Variants in GRIN3A observed in about 807,000 individuals in gnomAD.
GRIN3A encodes the protein glutamate receptor ionotropic, NMDA 3A.
A neutral mutation model predicts 92.4 loss-of-function variants in GRIN3A; 47 were observed. That is an observed-to-expected ratio of 0.51 (90% CI 0.40 to 0.65). The LOEUF (loss-of-function observed/expected upper bound fraction) is 0.65, where lower values mean the gene tolerates loss of function less well. Among genes scored for constraint, GRIN3A ranks in the 30% least tolerant of loss-of-function variants. The pLI is 0.00. For missense variants in GRIN3A, 1,324 were observed against 1,393.1 expected (o/e 0.95, Z 0.79); for synonymous variants, 527 against 540.6 (o/e 0.97, Z 0.35).
intron 3 of GRIN3A, among the ~76,000 whole-genome samples, chr9:101,642,087 C>G (rs1012745384): frequency 1.3e-5 from 2 of 152,046 alleles, no homozygotes; most frequent in Non-Finnish European, 2.9e-5. Flanking sequence ...TACTATAAAG[C>G]TATAGTAATC....
chr9:101,726,586 C>A (rs1355717830), intron 1 of GRIN3A, among the ~76,000 whole-genome samples: 2 of 151,982 alleles, frequency 1.3e-5, no homozygotes, highest in Non-Finnish European at 2.9e-5. Context: ...TCCAATAGAA[C>A]TTCCTATGGA....
chr9:101,731,086 A>G (rs1830134353), intron 1 of GRIN3A, among the ~76,000 whole-genome samples: 1 of 152,166 alleles, frequency 6.6e-6, no homozygotes, highest in Admixed American at 6.5e-5. Context: ...TCCGTTAAAA[A>G]ATGATTCAAT....
intron 5 of GRIN3A, among the ~76,000 whole-genome samples, chr9:101,622,559 G>T (rs566168115): frequency 1.1e-3 from 163 of 152,276 alleles, no homozygotes; most frequent in Admixed American, 2.4e-3. Context: ...AAAATTTGCT[G>T]CCAGTGGAGA....
intron 1 of GRIN3A, among the ~76,000 whole-genome samples, chr9:101,718,853 T>C (rs1033928829): frequency 1.2e-4 from 19 of 152,176 alleles, no homozygotes; most frequent in Non-Finnish European, 8.8e-5. Context: ...TTAGTTTTTA[T>C]TGTGTATTTA....
Position 101,670,654 on chromosome 9 carries a change from C to T in GRIN3A, c.1758G>A (p.Lys586=). The T allele has an allele frequency of 2.5e-6, 4 of 1,613,938 alleles. No homozygotes were observed. The highest frequency in any genetic ancestry group is 3.4e-6 in the Non-Finnish European group (4 of 1,179,848). The change falls in exon 3 of 9, where the codon AAG becomes AAA. Residue 586 remains lysine, a synonymous_variant. Transcript: ENST00000361820. ...CYGYCIDLLE[K]IAEDMNFDFD... ...AGTCAAAGTTCATGTCTTCTGCTAT[C>T]TTTTCCAGCAGATCAATGCAATATC...
intron 6 of GRIN3A, among the ~76,000 whole-genome samples, chr9:101,597,036 G>A (rs1828144431): frequency 6.6e-6 from 1 of 152,186 alleles, no homozygotes; most frequent in South Asian, 2.1e-4. Flanking sequence ...TGACCTCTCT[G>A]TGCCTTTCAC....
rs905634986 is a variant in GRIN3A at position 101,656,154 on chromosome 9, A to C, written c.2352+13906T>G. ...ACAAGGGTAAAAGGCTTGCAAAAGGAATTTTTTCTGAAATTCTTTAGAGGA... is the reference window on the plus strand; with the variant it reads ...ACAAGGGTAAAAGGCTTGCAAAAGGCATTTTTTCTGAAATTCTTTAGAGGA... On this transcript the variant is annotated intron_variant, in intron 3 of 8. Transcript: ENST00000361820. Among the ~76,000 whole-genome samples, 3 of 152,012 alleles carry C rather than the reference A, an allele frequency of 2.0e-5. No homozygotes were observed. In the East Asian group the frequency reaches 5.8e-4, roughly 29 times the overall value.
chr9:101,710,160 T>C (rs186863388), intron 1 of GRIN3A, among the ~76,000 whole-genome samples: 169 of 152,244 alleles, frequency 1.1e-3, no homozygotes, highest in African/African-American at 3.8e-3. Flanking sequence ...GAGGTAATTA[T>C]AGGTAAATGA....
At chr9:101,707,189 G>A (rs1829824299) in intron 1 of GRIN3A, among the ~76,000 whole-genome samples, 1 of 152,200 alleles carries the variant, frequency 6.6e-6, no homozygotes, top group Non-Finnish European at 1.5e-5. Context: ...ATGGAGTGTA[G>A]CAGTATGCAC....
rs1454796112 is a variant in GRIN3A at position 101,628,460 on chromosome 9, C to T, written c.2353-59G>A. On this transcript the variant is annotated intron_variant, in intron 3 of 8. Coordinates refer to ENST00000361820, the MANE Select transcript of GRIN3A (RefSeq NM_133445.3). ...AATTATTCTTAGAAGTGTTTTTTAA[C>T]ATTTTTTTCATAATTCTTTGAAACT... 8 of 1,515,660 alleles carry T rather than the reference C, an allele frequency of 5.3e-6. No homozygotes were observed. In the South Asian group the frequency reaches 8.2e-5, roughly 15 times the overall value. The allele number at this position is 1,515,660 out of a possible 1,614,324, so 93.9% of individuals were successfully genotyped here.
chr9:101,637,154 G>A lies in GRIN3A; in HGVS notation c.2353-8753C>T, dbSNP rs557081416. 1.4e-3 allele frequency among the ~76,000 whole-genome samples: 211 copies of A among 151,908 alleles called. 2 individuals are homozygous for A. The highest frequency in any genetic ancestry group is 4.7e-3 in the African/African-American group (196 of 41,404). Reference sequence around the variant, plus strand: ...GTCGCCCAGGCTGGAGTGCAGTGGCGCCATCTCGGCTCACTGCAAGCTCCG... The same window carrying A: ...GTCGCCCAGGCTGGAGTGCAGTGGCACCATCTCGGCTCACTGCAAGCTCCG... On this transcript the variant is annotated intron_variant, in intron 3 of 8. Transcript: ENST00000361820.
chr9:101,638,564 A>G (rs1224425943), intron 3 of GRIN3A, among the ~76,000 whole-genome samples: 2 of 152,246 alleles, frequency 1.3e-5, no homozygotes, highest in Non-Finnish European at 2.9e-5. Context: ...TGGTGCTGCC[A>G]ACACTATTGG....
intron 3 of GRIN3A, among the ~76,000 whole-genome samples, chr9:101,630,851 G>T (rs1017484186): frequency 1.3e-5 from 2 of 152,168 alleles, no homozygotes; most frequent in Non-Finnish European, 2.9e-5. Context: ...TCATTTGTTT[G>T]TGTAATACAG....
intron 1 of GRIN3A, among the ~76,000 whole-genome samples, chr9:101,733,893 C>A (rs537730862): frequency 2.1e-4 from 32 of 151,928 alleles, no homozygotes; most frequent in Non-Finnish European, 4.0e-4. Context: ...GAGTCAGGGT[C>A]TTACTATGTC....
At chr9:101,638,663 G>T (rs1828814461) in intron 3 of GRIN3A, among the ~76,000 whole-genome samples, 1 of 152,200 alleles carries the variant, frequency 6.6e-6, no homozygotes, top group Non-Finnish European at 1.5e-5. Flanking sequence ...CTGTTGAATG[G>T]TTTATATGTA....
chr9:101,675,440 T>C (rs1194619925), intron 2 of GRIN3A, among the ~76,000 whole-genome samples: 1 of 151,958 alleles, frequency 6.6e-6, no homozygotes, highest in Non-Finnish European at 1.5e-5. Flanking sequence ...AATTAAAGTA[T>C]TTTCTTATTT....
chr9:101,619,127 T>C (rs1333519342), intron 5 of GRIN3A, among the ~76,000 whole-genome samples: 2 of 152,202 alleles, frequency 1.3e-5, no homozygotes. Flanking sequence ...TAGAAATTCA[T>C]AGACTAAAAG....
At chr9:101,580,483 A>T (rs1827874481) in intron 6 of GRIN3A, among the ~76,000 whole-genome samples, 1 of 152,196 alleles carries the variant, frequency 6.6e-6, no homozygotes, top group African/African-American at 2.4e-5. Context: ...CTGTCAAGGA[A>T]AGAACGTCCC....
chr9:101,650,700 G>A (rs1020107757), intron 3 of GRIN3A, among the ~76,000 whole-genome samples: 3 of 151,924 alleles, frequency 2.0e-5, no homozygotes, highest in African/African-American at 7.2e-5. Context: ...ACAACTATAC[G>A]TGAGGATCCA....
Sources: allele counts gnomAD v4.1 joint callset (sites outside exome capture counted in the v4.1 genomes callset), GRCh38; gene constraint gnomAD v4.1.1; transcripts MANE v1.5; gene names NCBI Gene and HGNC (gene_info 2026-07-23, HGNC 2026-07-21).